MMS19: variants seen among roughly 807,000 people sequenced by gnomAD.
MMS19 encodes MMS19 cytosolic iron-sulfur assembly component.
A neutral mutation model predicts 129.8 loss-of-function variants in MMS19; 77 were observed. The observed-to-expected ratio is 0.59, with a 90% CI of 0.49 to 0.72. The LOEUF is 0.72. Ranked by LOEUF, MMS19 falls within the 30% of genes least tolerant of loss-of-function variation. The probability of loss-of-function intolerance (pLI) is 0.00; values close to 1 mark genes in which losing one functional copy is unlikely to be tolerated. For missense variants in MMS19, 1,168 were observed against 1,266.3 expected (o/e 0.92, Z 1.18); for synonymous variants, 491 against 502.8 (o/e 0.98, Z 0.31).
At chr10:97,459,856 C>T in intron 26 of MMS19, 115 bp from the exon 27 acceptor site, 2 of 1,013,312 alleles carry the variant, frequency 2.0e-6, no homozygotes, top group Non-Finnish European at 3.0e-6. Context: ...TGAAAGAGCC[C>T]TTCACGCTCA....
At chr10:97,461,057 T>C in intron 23 of MMS19, 50 bp from the exon 24 acceptor site, 6 of 1,432,904 alleles carry the variant, frequency 4.2e-6, no homozygotes, top group Non-Finnish European at 5.7e-6. Context: ...ATTTTCCCTT[T>C]AGCAATGAAA....
chr10:97,468,990 A>C lies in MMS19; in HGVS notation c.1039T>G (p.Ser347Ala), dbSNP rs549219678. 4 of 1,589,222 alleles carry C rather than the reference A, an allele frequency of 2.5e-6. No homozygotes were observed. Among genetic ancestry groups the C allele is most frequent in the Non-Finnish European group, 2.6e-6 (3 of 1,167,354 alleles). The change falls in exon 12 of 31, where the codon TCC becomes GCC. Residue 347 changes from serine (S) to alanine (A), a missense_variant. Ser to Ala is a moderately conservative substitution (Grantham distance 99, BLOSUM62 1). Around this residue, in one of 3 missense-constraint regions of MMS19, gnomAD observed 831 missense variants for 910.8 expected, o/e 0.91. Coordinates refer to ENST00000438925, the MANE Select transcript of MMS19 (RefSeq NM_022362.5). ...CCCTGTAGAATGTTGCTAAGGAAGGAGTCAAGGAGGTCCTCAGCATCAGCC... is the reference window on the plus strand; with the variant it reads ...CCCTGTAGAATGTTGCTAAGGAAGGCGTCAAGGAGGTCCTCAGCATCAGCC... The part of the protein sequence containing the change: ...LRADAEDLLD[S>A]FLSNILQDCR...
rs759473701 is a variant in MMS19 at position 97,461,670 on chromosome 10, C to G, written c.2185-48G>C. 10 of 1,581,282 alleles carry G rather than the reference C, an allele frequency of 6.3e-6. No individual in the cohort carries two copies. The South Asian group carries it at 1.2e-4, about 18-fold the overall frequency. ...ATGGACCCAGAGAACACTTGAACTCCAAGAGAACCAGTACATAGTGGCAGC... is the reference window on the plus strand; with the variant it reads ...ATGGACCCAGAGAACACTTGAACTCGAAGAGAACCAGTACATAGTGGCAGC... On this transcript the variant is annotated intron_variant, in intron 22 of 30. Coordinates refer to ENST00000438925, the MANE Select transcript of MMS19 (RefSeq NM_022362.5).
At chr10:97,492,041 G>C (rs1212227259) in intron 1 of MMS19, among the ~76,000 whole-genome samples, 1 of 150,946 alleles carries the variant, frequency 6.6e-6, no homozygotes, top group African/African-American at 2.4e-5. Flanking sequence ...CGAAGGCTGA[G>C]GCAGGAGAAT....
At chr10:97,480,316 T>G (rs1194991414) in intron 3 of MMS19, 1 of 460,654 alleles carries the variant, frequency 2.2e-6, no homozygotes, top group Admixed American at 2.4e-5. Context: ...CAGGGGAGCT[T>G]CTTCCTCCTC....
intron 5 of MMS19, 122 bp downstream of exon 5, chr10:97,477,732 TA>T: frequency 1.4e-6 from 1 of 729,200 alleles, no homozygotes; most frequent in Non-Finnish European, 2.3e-6. Context: ...AAGAAGAGCA[TA>T]AAAACATTCA....
intron 3 of MMS19, among the ~76,000 whole-genome samples, chr10:97,480,690 C>T (rs1353260808): frequency 1.3e-5 from 2 of 152,174 alleles, no homozygotes; most frequent in African/African-American, 4.8e-5. Context: ...CAAGCGATTC[C>T]TGCCTCAGCC....
chr10:97,458,666 G>A lies in MMS19; in HGVS notation c.*26C>T. ...TTAGTAATCCCAGGTTAGATTGTCA[G>A]AACAGTCTAGGCCAGGACTGAGGGC... On this transcript the variant is annotated 3_prime_UTR_variant, in exon 31 of 31. Transcript: ENST00000438925. 1 of 1,595,748 alleles carries A rather than the reference G, an allele frequency of 6.3e-7. No homozygotes were observed. Among genetic ancestry groups the A allele is most frequent in the Non-Finnish European group, 8.5e-7 (1 of 1,170,826 alleles).
At chr10:97,489,502 T>C (rs1016449503) in intron 1 of MMS19, among the ~76,000 whole-genome samples, 1 of 152,250 alleles carries the variant, frequency 6.6e-6, no homozygotes, top group African/African-American at 2.4e-5. Context: ...GTTAACGTCT[T>C]ACATGGCACA....
intron 1 of MMS19, among the ~76,000 whole-genome samples, chr10:97,489,972 G>A (rs530637308): frequency 1.3e-5 from 2 of 152,284 alleles, no homozygotes; most frequent in South Asian, 2.1e-4. Flanking sequence ...CTGCACTATA[G>A]TTACTACTTT....
chr10:97,475,313 A>G (rs1471075162), intron 8 of MMS19, among the ~76,000 whole-genome samples: 1 of 152,184 alleles, frequency 6.6e-6, no homozygotes, highest in Non-Finnish European at 1.5e-5. Flanking sequence ...AAGCTCTGTA[A>G]AGATACAAAC....
intron 29 of MMS19, 78 bp downstream of exon 29, chr10:97,459,145 C>G (rs2030855160): frequency 2.8e-6 from 4 of 1,450,402 alleles, no homozygotes; most frequent in Non-Finnish European, 3.7e-6. Flanking sequence ...TGGCCAAGCC[C>G]ACCTGACTAA....
intron 1 of MMS19, among the ~76,000 whole-genome samples, chr10:97,495,833 G>C (rs921160603): frequency 1.3e-5 from 2 of 152,230 alleles, no homozygotes; most frequent in Non-Finnish European, 2.9e-5. Flanking sequence ...CCAGGCTGGA[G>C]TGCAGGGGCG....
intron 3 of MMS19, among the ~76,000 whole-genome samples, chr10:97,479,054 A>T (rs1480291551): frequency 6.6e-6 from 1 of 152,082 alleles, no homozygotes; most frequent in Non-Finnish European, 1.5e-5. Context: ...TCTCCAAAAA[A>T]CAAATAAAAG....
At chr10:97,458,743 A>C in intron 30 of MMS19, 24 bp from the exon 31 acceptor site, 1 of 1,612,642 alleles carries the variant, frequency 6.2e-7, no homozygotes, top group Non-Finnish European at 8.5e-7. Flanking sequence ...GAAAGTTGGC[A>C]GCATTAGTGA....
chr10:97,482,735 T>C (rs537146491), intron 2 of MMS19, among the ~76,000 whole-genome samples: 174 of 137,858 alleles, frequency 1.3e-3, no homozygotes, highest in African/African-American at 3.8e-3. Context: ...TGTGTATATA[T>C]ATACACACAC....
At chr10:97,461,350 C>A in intron 23 of MMS19, 146 bp downstream of exon 23, 1 of 974,944 alleles carries the variant, frequency 1.0e-6, no homozygotes. Context: ...GCTTTTCCCA[C>A]GGGCAGTCCC....
intron 3 of MMS19, chr10:97,480,225 C>T (rs1233833179): frequency 8.6e-6 from 4 of 462,570 alleles, no homozygotes; most frequent in Admixed American, 2.4e-5. Context: ...CCTCCTCCAG[C>T]TTCTGGATAT....
chr10:97,479,389 C>T (rs1472307588), intron 3 of MMS19, among the ~76,000 whole-genome samples: 1 of 152,138 alleles, frequency 6.6e-6, no homozygotes, highest in Non-Finnish European at 1.5e-5. Flanking sequence ...TTAGATCAAC[C>T]CCAGGAGGAG....
Sources: allele counts gnomAD v4.1 joint callset (sites outside exome capture counted in the v4.1 genomes callset), GRCh38; gene constraint gnomAD v4.1.1; regional missense constraint gnomAD v4.1.1; transcripts MANE v1.5; gene names NCBI Gene and HGNC (gene_info 2026-07-23, HGNC 2026-07-21).